Variants in NRG3 observed in about 807,000 individuals in gnomAD.
The protein encoded by NRG3 is pro-neuregulin-3, membrane-bound isoform.
Under a neutral mutation model 66.9 loss-of-function variants are expected in NRG3, and 31 were observed. The ratio of observed to expected loss-of-function variants is 0.46; its 90% CI spans 0.35 to 0.63. The LOEUF (loss-of-function observed/expected upper bound fraction) is 0.63, where lower values mean the gene tolerates loss of function less well. Ranked by LOEUF, NRG3 falls within the 20% of genes least tolerant of loss-of-function variation. The pLI is 0.00. For synonymous variants in NRG3, 393 were observed against 359.4 expected (o/e 1.09, Z -1.06); for missense variants, 910 against 878.9 (o/e 1.04, Z -0.45).
At chr10:82,825,142 C>A (rs1426117548) in intron 3 of NRG3, among the ~76,000 whole-genome samples, 5 of 152,102 alleles carry the variant, frequency 3.3e-5, no homozygotes, top group African/African-American at 1.2e-4. Context: ...TCATGGTGTT[C>A]TTTAAAGTAC....
chr10:82,870,350 T>C (rs950047250), intron 4 of NRG3, among the ~76,000 whole-genome samples: 1 of 152,260 alleles, frequency 6.6e-6, no homozygotes, highest in Non-Finnish European at 1.5e-5. Context: ...GACATCTTAG[T>C]TGTTTCCAAC....
At chr10:82,433,803 T>G (rs985375099) in intron 2 of NRG3, among the ~76,000 whole-genome samples, 8 of 152,162 alleles carry the variant, frequency 5.3e-5, no homozygotes, top group Non-Finnish European at 8.8e-5. Context: ...ACTTCATAGG[T>G]CTATATGTCT....
intron 1 of NRG3, among the ~76,000 whole-genome samples, chr10:82,025,076 TAG>T (rs2062238804): frequency 6.6e-6 from 1 of 152,042 alleles, no homozygotes; most frequent in Admixed American, 6.6e-5. Flanking sequence ...TGAAAAAATT[TAG>T]AGTGTTCTGA....
At chr10:82,979,182 A>G in intron 8 of NRG3, 62 bp downstream of exon 8, 1 of 1,502,434 alleles carries the variant, frequency 6.7e-7, no homozygotes, top group Non-Finnish European at 9.2e-7. Flanking sequence ...GCTTTAAGTT[A>G]AGTTTTAAGT....
intron 2 of NRG3, among the ~76,000 whole-genome samples, chr10:82,468,851 GAGAA>G (rs374772763): frequency 2.7e-4 from 41 of 152,104 alleles, no homozygotes; most frequent in Admixed American, 5.2e-4. Context: ...GAGAGAGAGA[GAGAA>G]AGAAAGGGAA....
intron 2 of NRG3, among the ~76,000 whole-genome samples, chr10:82,535,212 A>T (rs1847698590): frequency 1.3e-5 from 2 of 149,404 alleles, no homozygotes; most frequent in Admixed American, 1.4e-4. Context: ...CAGTCCTTAT[A>T]TCAAAGCATA....
At chr10:82,067,441 C>G (rs528725971) in intron 1 of NRG3, among the ~76,000 whole-genome samples, 1 of 152,146 alleles carries the variant, frequency 6.6e-6, no homozygotes, top group Non-Finnish European at 1.5e-5. Flanking sequence ...CTTCTCTCCC[C>G]GGTTCAAGCC....
At chr10:82,215,002 G>A (rs1381481279) in intron 1 of NRG3, among the ~76,000 whole-genome samples, 1 of 152,090 alleles carries the variant, frequency 6.6e-6, no homozygotes, top group Non-Finnish European at 1.5e-5. Flanking sequence ...GCAAATACCA[G>A]TTAAGTACTC....
At chr10:82,824,504 C>A (rs889213990) in intron 3 of NRG3, among the ~76,000 whole-genome samples, 1 of 152,104 alleles carries the variant, frequency 6.6e-6, no homozygotes, top group Non-Finnish European at 1.5e-5. Flanking sequence ...TGCGGGGCTT[C>A]GACTTTTCTG....
chr10:82,596,871 A>G (rs757533664), intron 2 of NRG3, among the ~76,000 whole-genome samples: 17 of 152,100 alleles, frequency 1.1e-4, no homozygotes, highest in Non-Finnish European at 2.1e-4. Context: ...TTCAGATCCC[A>G]TTGTTTCCAG....
At chr10:82,724,002 A>C (rs141485096) in intron 2 of NRG3, among the ~76,000 whole-genome samples, 112 of 152,038 alleles carry the variant, frequency 7.4e-4, no homozygotes, top group African/African-American at 2.7e-3. Flanking sequence ...ATAAATAAAA[A>C]AAATTTAAAA....
intron 1 of NRG3, among the ~76,000 whole-genome samples, chr10:82,233,964 C>T (rs964566784): frequency 2.0e-5 from 3 of 152,114 alleles, no homozygotes; most frequent in Non-Finnish European, 4.4e-5. Context: ...CATCTTACCC[C>T]TTTTCTGTCA....
At chr10:82,958,150 A>C (rs1850256079) in intron 5 of NRG3, among the ~76,000 whole-genome samples, 2 of 152,164 alleles carry the variant, frequency 1.3e-5, no homozygotes, top group Non-Finnish European at 2.9e-5. Flanking sequence ...CCATGAGCAC[A>C]TGGCTTGGCA....
In NRG3 at chr10:82,526,012, G is replaced by T. The variant is rs142838537; in HGVS notation, c.953+167144G>T. On this transcript the variant is annotated intron_variant, in intron 2 of 8. Coordinates refer to ENST00000372141, the MANE Select transcript of NRG3 (RefSeq NM_001010848.4). ...AGGGAAATTATCTGGAAATAAGATTGCAGAGAAGAAAGGATAAAACTATGC... is the reference window on the plus strand; with the variant it reads ...AGGGAAATTATCTGGAAATAAGATTTCAGAGAAGAAAGGATAAAACTATGC... 3.3e-5 allele frequency among the ~76,000 whole-genome samples: 5 copies of T among 151,888 alleles called. No individual in the cohort carries two copies. In the East Asian group the frequency reaches 7.7e-4, roughly 23 times the overall value.
rs558530573 is a variant in NRG3, at chr10:82,748,957, GTTATAA to G, written c.1027+10312_1027+10317del. Among the ~76,000 whole-genome samples the G allele has an allele frequency of 4.9e-3, 750 of 152,166 alleles. 6 individuals are homozygous for G. Among genetic ancestry groups the G allele is most frequent in the African/African-American group, 0.016 (684 of 41,548 alleles). ...ATTGAGAGAATCGCTTTCCCATAGA[GTTATAA>G]TTATGATTCCTCACATTGCTTCTCT... On this transcript the variant is annotated intron_variant, in intron 3 of 8. Coordinates refer to ENST00000372141, the MANE Select transcript of NRG3 (RefSeq NM_001010848.4).
intron 1 of NRG3, among the ~76,000 whole-genome samples, chr10:82,005,728 G>T (rs1256867222): frequency 6.6e-6 from 1 of 152,116 alleles, no homozygotes; most frequent in African/African-American, 2.4e-5. Flanking sequence ...ATGAATAAAT[G>T]CTCTGAGTGA....
chr10:82,150,083 C>T (rs1026131222), intron 1 of NRG3, among the ~76,000 whole-genome samples: 12 of 152,006 alleles, frequency 7.9e-5, no homozygotes, highest in African/African-American at 2.9e-4. Context: ...TCTATTCCAG[C>T]CCTGGTACCC....
chr10:82,526,938 A>T (rs1484337727), intron 2 of NRG3, among the ~76,000 whole-genome samples: 1 of 152,132 alleles, frequency 6.6e-6, no homozygotes, highest in Non-Finnish European at 1.5e-5. Flanking sequence ...GTAAATTTAT[A>T]TCACCATTTT....
At chr10:82,259,531 C>T (rs932328247) in intron 1 of NRG3, among the ~76,000 whole-genome samples, 1 of 152,084 alleles carries the variant, frequency 6.6e-6, no homozygotes, top group Admixed American at 6.6e-5. Flanking sequence ...TTGTTAAACA[C>T]AGCCATAGGC....
Sources: allele counts gnomAD v4.1 joint callset (sites outside exome capture counted in the v4.1 genomes callset), GRCh38; gene constraint gnomAD v4.1.1; transcripts MANE v1.5; gene names NCBI Gene and HGNC (gene_info 2026-07-23, HGNC 2026-07-21).